The following LAMA1 variants were observed in gnomAD, a reference collection of about 807,000 sequenced individuals.
LAMA1 encodes the protein laminin subunit alpha 1, also known as laminin subunit alpha-1.
Under a neutral mutation model 348.7 loss-of-function variants are expected in LAMA1, and 219 were observed. The observed-to-expected ratio is 0.63, with a 90% CI of 0.56 to 0.70. The LOEUF is 0.70. LAMA1 is among the 30% of genes least tolerant of loss of function. LAMA1 has a pLI of 0.00. For synonymous variants in LAMA1, 1,487 were observed against 1,491.0 expected, an observed-to-expected ratio of 1.00 and a Z score of 0.06; for missense variants, 3,744 against 3,888.0, an observed-to-expected ratio of 0.96 and a Z score of 0.99.
At chr18:6,946,740 G>A (rs114627047) in intron 61 of LAMA1, among the ~76,000 whole-genome samples, 2,460 of 152,156 alleles carry the variant, frequency 0.016, 59 homozygotes, top group African/African-American at 0.056. Context: ...AAAATGCATA[G>A]TGCTACCACT....
chr18:6,947,336 G>C lies in LAMA1; in HGVS notation c.8711-40C>G, dbSNP rs141755251. 3,151 of 1,612,078 alleles carry C rather than the reference G, an allele frequency of 2.0e-3. 53 individuals carry two copies. In the African/African-American group the frequency reaches 0.037, roughly 19 times the overall value. ...GAGGACCCAAGTCAGGGTGAGCGCT[G>C]CCAGGCCCAGGTTGAGCATTTGGCC... On this transcript the variant is annotated intron_variant, in intron 60 of 62. Coordinates refer to ENST00000389658, the MANE Select transcript of LAMA1 (RefSeq NM_005559.4).
At chr18:7,075,329 A>T (rs1031554625) in intron 3 of LAMA1, among the ~76,000 whole-genome samples, 13 of 152,298 alleles carry the variant, frequency 8.5e-5, no homozygotes, top group African/African-American at 1.9e-4. Context: ...AAAAATTTTT[A>T]AAAAAGCACA....
rs1382340976 is a variant in LAMA1 at position 6,955,416 on chromosome 18, T to C, written c.8144A>G (p.Gln2715Arg). The C allele has an allele frequency of 6.2e-7, 1 of 1,614,140 alleles. No homozygotes were observed. The highest frequency in any genetic ancestry group is 2.2e-5 in the East Asian group (1 of 44,878). ...ATGGCTGTTTTGTGTGAGACCAAAC[T>C]GGTGAGCGCCGGGAACGTACTCCAG... ...AALEYVPGAH[Q>R]FGLTQNSHFI... Residue 2715 changes from glutamine (Q) to arginine (R), a missense_variant, in exon 57 of 63, where the codon CAG becomes CGG. By Grantham distance (43) the Gln-to-Arg change is conservative. Around this residue, in one of 3 missense-constraint regions of LAMA1, gnomAD observed 1,983 missense variants for 1,934.3 expected, o/e 1.03. Transcript: ENST00000389658.
intron 23 of LAMA1, among the ~76,000 whole-genome samples, chr18:7,013,396 C>T (rs1196877434): frequency 6.6e-6 from 1 of 152,068 alleles, no homozygotes; most frequent in Non-Finnish European, 1.5e-5. Context: ...CTTATAATGA[C>T]ATTGAAGTCT....
intron 1 of LAMA1, among the ~76,000 whole-genome samples, chr18:7,085,475 G>C (rs1313647325): frequency 7.5e-6 from 1 of 133,198 alleles, no homozygotes; most frequent in Non-Finnish European, 1.5e-5. Flanking sequence ...CTGTAGTGCA[G>C]TGGCACGATC....
intron 46 of LAMA1, among the ~76,000 whole-genome samples, chr18:6,974,543 A>G (rs573084760): frequency 1.4e-5 from 2 of 141,822 alleles, no homozygotes; most frequent in South Asian, 4.4e-4. Flanking sequence ...TGCAACCTCC[A>G]CCTCCTGGGT....
chr18:6,988,166 T>C (rs1198952300), intron 36 of LAMA1, among the ~76,000 whole-genome samples: 1 of 152,166 alleles, frequency 6.6e-6, no homozygotes, highest in Non-Finnish European at 1.5e-5. Context: ...ATCTACAAGA[T>C]GACTCTTCTA....
chr18:7,080,534 G>A, intron 1 of LAMA1, 77 bp from the exon 2 acceptor site: 22 of 1,465,232 alleles, frequency 1.5e-5, no homozygotes, highest in Non-Finnish European at 2.0e-5. Flanking sequence ...CACTTGGTAG[G>A]TGAATCAAAA....
At chr18:7,093,898 C>T (rs1481664966) in intron 1 of LAMA1, among the ~76,000 whole-genome samples, 2 of 151,464 alleles carry the variant, frequency 1.3e-5, no homozygotes, top group African/African-American at 4.9e-5. Context: ...CTTCAGCCTC[C>T]GGGAGTAGCT....
intron 27 of LAMA1, among the ~76,000 whole-genome samples, 190 bp downstream of exon 27, chr18:7,009,049 T>C (rs1252303092): frequency 6.6e-6 from 1 of 152,210 alleles, no homozygotes; most frequent in African/African-American, 2.4e-5. Context: ...GACATTAGCA[T>C]GCTAGGTGGA....
At chr18:6,956,416 T>C (rs16950875) in intron 56 of LAMA1, 63,232 of 716,408 alleles carry the variant, frequency 0.088, 5,241 homozygotes, top group African/African-American at 0.33. Context: ...GCGGCCTGGG[T>C]GTTGGGGCCT....
chr18:7,113,438 G>A (rs2058343472), intron 1 of LAMA1, among the ~76,000 whole-genome samples: 1 of 152,188 alleles, frequency 6.6e-6, no homozygotes, highest in Non-Finnish European at 1.5e-5. Flanking sequence ...GGGGTTTGGG[G>A]CACATAATCT....
chr18:7,088,998 G>A (rs1568063132), intron 1 of LAMA1, among the ~76,000 whole-genome samples: 1 of 151,252 alleles, frequency 6.6e-6, no homozygotes, highest in Non-Finnish European at 1.5e-5. Context: ...GTGAGACTTT[G>A]TCTCTAAAAA....
chr18:7,114,009 G>A (rs1410094392), intron 1 of LAMA1, among the ~76,000 whole-genome samples: 3 of 151,452 alleles, frequency 2.0e-5, no homozygotes, highest in African/African-American at 4.9e-5. Context: ...CCTGGGAGGC[G>A]GAGCTTGCAG....
chr18:6,969,916 C>A (rs2057650633), intron 48 of LAMA1, among the ~76,000 whole-genome samples: 1 of 152,130 alleles, frequency 6.6e-6, no homozygotes, highest in South Asian at 2.1e-4. Context: ...TTTCAAAATA[C>A]CTCTGGAAAT....
chr18:6,957,853 C>T (rs2057587347), intron 55 of LAMA1, among the ~76,000 whole-genome samples: 1 of 152,038 alleles, frequency 6.6e-6, no homozygotes, highest in Non-Finnish European at 1.5e-5. Context: ...GCAATCTCAG[C>T]TCACTGCACC....
rs747710308 is a variant in LAMA1 at position 6,999,553 on chromosome 18, C to T, written c.4555G>A (p.Gly1519Ser). 4.3e-6 allele frequency: 7 copies of T among 1,614,132 alleles called. No homozygotes were observed. Among genetic ancestry groups the T allele is most frequent in the Admixed American group, 1.7e-5 (1 of 60,020 alleles). ...TGCCCAGATGTGCGGTCACAGTCACCGTGGACAGAGCCGTGCGGGTTGCAG... is the reference window on the plus strand; with the variant it reads ...TGCCCAGATGTGCGGTCACAGTCACTGTGGACAGAGCCGTGCGGGTTGCAG... The part of the protein sequence containing the change: ...CDCNPHGSVH[G>S]DCDRTSGQCV... Residue 1519 changes from glycine to serine, a missense_variant, in exon 32 of 63, where the codon GGT becomes AGT. By Grantham distance (56) the Gly-to-Ser change is moderately conservative. Transcript: ENST00000389658.
chr18:7,028,260 T>C (rs1480289990), intron 16 of LAMA1, among the ~76,000 whole-genome samples: 1 of 152,160 alleles, frequency 6.6e-6, no homozygotes, highest in African/African-American at 2.4e-5. Context: ...TGGTCAAAAC[T>C]TTTCATAAGT....
At chr18:7,070,452 T>G (rs187715334) in intron 3 of LAMA1, among the ~76,000 whole-genome samples, 1 of 152,336 alleles carries the variant, frequency 6.6e-6, no homozygotes, top group East Asian at 1.9e-4. Context: ...AATTTCCCTA[T>G]TTTCTTGTTG....
Sources: gnomAD v4.1 joint callset for allele counts (sites outside exome capture counted in the v4.1 genomes callset) on GRCh38, gnomAD v4.1.1 for gene constraint, gnomAD v4.1.1 regional missense constraint, MANE v1.5 for transcripts, NCBI Gene and HGNC (gene_info 2026-07-23, HGNC 2026-07-21) for gene names.